Variants in CDH18 observed in about 807,000 individuals in gnomAD.
CDH18 encodes the protein cadherin 18, also known as cadherin-18.
A neutral mutation model predicts 67.9 loss-of-function variants in CDH18; 31 were observed. The ratio of observed to expected loss-of-function variants is 0.46; its 90% CI spans 0.34 to 0.62. The LOEUF (loss-of-function observed/expected upper bound fraction) is 0.62. CDH18 is among the 20% of genes least tolerant of loss of function. CDH18 has a pLI of 0.01. For missense variants in CDH18, 890 were observed against 975.5 expected (o/e 0.91, Z 1.17); for synonymous variants, 362 against 347.2 (o/e 1.04, Z -0.48).
chr5:19,539,646 A>G (rs1749934240), intron 9 of CDH18, among the ~76,000 whole-genome samples: 1 of 137,324 alleles, frequency 7.3e-6, no homozygotes, highest in Non-Finnish European at 1.6e-5. Context: ...CCTCACAGTC[A>G]TGGCAGAAGG....
chr5:19,717,481 G>A (rs541393835), intron 5 of CDH18, among the ~76,000 whole-genome samples: 126 of 152,116 alleles, frequency 8.3e-4, no homozygotes, highest in Non-Finnish European at 1.6e-3. Flanking sequence ...TCCAACCTAT[G>A]TTATGGGAAC....
chr5:20,419,339 C>A (rs965231217), intron 1 of CDH18, among the ~76,000 whole-genome samples: 7 of 151,966 alleles, frequency 4.6e-5, no homozygotes, highest in African/African-American at 1.7e-4. Flanking sequence ...CTAATACACA[C>A]CCTTCACCAG....
intron 1 of CDH18, among the ~76,000 whole-genome samples, chr5:20,466,185 A>C (rs927349309): frequency 1.6e-4 from 24 of 152,082 alleles, no homozygotes; most frequent in Admixed American, 6.6e-4. Context: ...ATAAACATTT[A>C]AAAATCTTCT....
chr5:19,987,751 T>C (rs1799717049), intron 1 of CDH18, among the ~76,000 whole-genome samples: 1 of 152,186 alleles, frequency 6.6e-6, no homozygotes, highest in South Asian at 2.1e-4. Context: ...GCCATCATTA[T>C]TGCAATGTGC....
intron 1 of CDH18, among the ~76,000 whole-genome samples, chr5:20,329,937 G>A (rs537451575): frequency 9.5e-4 from 145 of 152,036 alleles, no homozygotes; most frequent in Middle Eastern, 3.4e-3. Context: ...CTTTAGTACA[G>A]TAATATTTTC....
intron 2 of CDH18, among the ~76,000 whole-genome samples, chr5:19,869,501 T>A (rs1785978949): frequency 6.6e-6 from 1 of 152,120 alleles, no homozygotes; most frequent in African/African-American, 2.4e-5. Flanking sequence ...TGAGTTGGTT[T>A]TTATTTTCTC....
chr5:20,243,799 T>C (rs1743169066), intron 2 of CDH18, among the ~76,000 whole-genome samples: 1 of 152,138 alleles, frequency 6.6e-6, no homozygotes, highest in African/African-American at 2.4e-5. Context: ...TAGCCTAGAC[T>C]AGTGAAACTT....
intron 1 of CDH18, among the ~76,000 whole-genome samples, chr5:20,310,798 T>C (rs1736911518): frequency 6.6e-6 from 1 of 152,196 alleles, no homozygotes; most frequent in South Asian, 2.1e-4. Flanking sequence ...TTGTTCTTTC[T>C]TCTTTTCTGA....
intron 1 of CDH18, among the ~76,000 whole-genome samples, chr5:20,414,308 C>T (rs566934348): frequency 2.0e-5 from 3 of 152,176 alleles, no homozygotes; most frequent in Non-Finnish European, 4.4e-5. Context: ...GGTATCACTT[C>T]GTTTACAACA....
chr5:19,619,378 C>T (rs1750346095), intron 5 of CDH18, among the ~76,000 whole-genome samples: 1 of 152,156 alleles, frequency 6.6e-6, no homozygotes, highest in African/African-American at 2.4e-5. Context: ...AAAACACAGA[C>T]TTCAGAGACC....
intron 5 of CDH18, among the ~76,000 whole-genome samples, chr5:19,669,032 G>T (rs1758350143): frequency 6.7e-6 from 1 of 149,582 alleles, no homozygotes; most frequent in African/African-American, 2.5e-5. Flanking sequence ...GTGTCTATGT[G>T]GACATTCATA....
At chr5:19,887,688 C>A (rs764107259) in intron 2 of CDH18, among the ~76,000 whole-genome samples, 18 of 151,592 alleles carry the variant, frequency 1.2e-4, no homozygotes, top group Non-Finnish European at 2.2e-4. Context: ...CTTGCCTCAG[C>A]CTCCCAATGT....
At chr5:19,985,734 C>T (rs1256113504) in intron 1 of CDH18, among the ~76,000 whole-genome samples, 1 of 151,550 alleles carries the variant, frequency 6.6e-6, no homozygotes, top group Non-Finnish European at 1.5e-5. Context: ...AAGTTCTGTA[C>T]TTAATTAAAA....
intron 1 of CDH18, among the ~76,000 whole-genome samples, chr5:20,354,987 C>T (rs545749993): frequency 1.1e-4 from 16 of 152,236 alleles, no homozygotes; most frequent in East Asian, 1.9e-4. Flanking sequence ...GGCCAATTAC[C>T]GGGAAATGTT....
chr5:20,019,292 TAGA>T (rs1299290514), intron 2 of CDH18, among the ~76,000 whole-genome samples: 36 of 152,188 alleles, frequency 2.4e-4, no homozygotes, highest in Non-Finnish European at 4.7e-4. Flanking sequence ...ACAGTTGACA[TAGA>T]AGAATGACTA....
At chr5:19,824,877 C>T in intron 3 of CDH18, among the ~76,000 whole-genome samples, 1 of 149,458 alleles carries the variant, frequency 6.7e-6, no homozygotes, top group African/African-American at 2.6e-5. Context: ...TGGATTCAAC[C>T]AGTGGGTACA....
chr5:20,105,706 A>C (rs570718815), intron 2 of CDH18, among the ~76,000 whole-genome samples: 1 of 152,320 alleles, frequency 6.6e-6, no homozygotes, highest in African/African-American at 2.4e-5. Context: ...ACTTAGCATA[A>C]CATTTCTAAG....
chr5:20,184,696 T>G (rs2126696323), intron 2 of CDH18, among the ~76,000 whole-genome samples: 1 of 152,270 alleles, frequency 6.6e-6, no homozygotes, highest in South Asian at 2.1e-4. Flanking sequence ...GAAGATATTT[T>G]ACATTTTTCC....
At chr5:20,259,297 A>G (rs1359755405) in intron 1 of CDH18, among the ~76,000 whole-genome samples, 1 of 152,188 alleles carries the variant, frequency 6.6e-6, no homozygotes, top group African/African-American at 2.4e-5. Flanking sequence ...GAATATTAGC[A>G]AAACCATGTA....
Sources: gnomAD v4.1 joint callset for allele counts (sites outside exome capture counted in the v4.1 genomes callset) on GRCh38, gnomAD v4.1.1 for gene constraint, MANE v1.5 for transcripts, NCBI Gene and HGNC (gene_info 2026-07-23, HGNC 2026-07-21) for gene names.